PKHD1: variants seen among roughly 807,000 people sequenced by gnomAD.
The protein encoded by PKHD1 is fibrocystin.
In PKHD1, 291 loss-of-function variants were observed where a neutral mutation model predicts 412.0. The observed-to-expected ratio is 0.71, with a 90% confidence interval of 0.64 to 0.78. The LOEUF (loss-of-function observed/expected upper bound fraction) is 0.78, where lower values mean the gene tolerates loss of function less well. PKHD1 is among the 30% of genes least tolerant of loss of function. The pLI, the probability that PKHD1 is intolerant of heterozygous loss-of-function variation, is 0.00. For synonymous variants in PKHD1, 1,777 were observed against 1,821.5 expected, an observed-to-expected ratio of 0.98 and a Z score of 0.62; for missense variants, 4,825 against 4,950.7, an observed-to-expected ratio of 0.97 and a Z score of 0.76.
chr6:52,065,184 G>GAGAGAGAGAGATAGAGAGAGAC (rs1554220741), intron 12 of PKHD1, 134 bp from the exon 13 acceptor site: 1 of 117,488 alleles, frequency 8.5e-6, no homozygotes, highest in Admixed American at 9.0e-5. Flanking sequence ...GAGAGAGAGA[G>GAGAGAGAGAGATAGAGAGAGAC]AGAGAGAGAG....
chr6:51,918,240 G>C (rs1830554), intron 37 of PKHD1, among the ~76,000 whole-genome samples: 57,716 of 151,502 alleles, frequency 0.38, 11,755 homozygotes, highest in East Asian at 0.75. Context: ...GGATACATGC[G>C]CAGAACGTGC....
In PKHD1 at chr6:52,025,148, A is replaced by G; in HGVS notation, c.4662T>C (p.Tyr1554=). ...APGPHYLSVF[Y]TRNGYACSGN... ...CAGAACAAGCATACCCATTTCTTGT[A>G]TAAAAAACTGACAGGTAGTGGGGTC... Residue 1554 remains tyrosine, a synonymous_variant, in exon 32 of 67, where the codon TAT becomes TAC. Transcript: ENST00000371117. 1 of 1,614,202 alleles carries G rather than the reference A, an allele frequency of 6.2e-7. No homozygotes were observed.
intron 35 of PKHD1, among the ~76,000 whole-genome samples, chr6:51,960,527 T>A (rs1050244191): frequency 2.0e-5 from 3 of 152,166 alleles, no homozygotes; most frequent in Admixed American, 1.3e-4. Context: ...TGGTATCATT[T>A]TTCACTGGCT....
At chr6:51,750,614 T>C (rs922820479) in intron 57 of PKHD1, among the ~76,000 whole-genome samples, 1 of 152,116 alleles carries the variant, frequency 6.6e-6, no homozygotes, top group African/African-American at 2.4e-5. Context: ...CCAGAAGCTC[T>C]CAGGATTATT....
At chr6:51,627,180 G>C in intron 65 of PKHD1, 64 bp from the exon 66 acceptor site, 1 of 1,502,276 alleles carries the variant, frequency 6.7e-7, no homozygotes, top group Non-Finnish European at 9.3e-7. Flanking sequence ...TCAGCATTTA[G>C]GTGTTTCCCT....
chr6:52,032,292 G>A (rs2128161421), intron 29 of PKHD1, among the ~76,000 whole-genome samples: 1 of 152,194 alleles, frequency 6.6e-6, no homozygotes, highest in South Asian at 2.1e-4. Context: ...CTGTTATCTG[G>A]CATTCAGTTC....
At chr6:51,798,411 G>C (rs1348995402) in intron 52 of PKHD1, among the ~76,000 whole-genome samples, 4 of 152,020 alleles carry the variant, frequency 2.6e-5, no homozygotes, top group African/African-American at 9.7e-5. Context: ...AAGAAATTAT[G>C]TGTTGGAATG....
intron 52 of PKHD1, among the ~76,000 whole-genome samples, chr6:51,823,152 A>G (rs1766733949): frequency 6.6e-6 from 1 of 152,164 alleles, no homozygotes; most frequent in Non-Finnish European, 1.5e-5. Flanking sequence ...GGTGTTTTAC[A>G]GGAATACCTG....
At chr6:51,856,417 A>T (rs1773322231) in intron 48 of PKHD1, among the ~76,000 whole-genome samples, 1 of 152,116 alleles carries the variant, frequency 6.6e-6, no homozygotes, top group African/African-American at 2.4e-5. Context: ...GCTCACTGCA[A>T]CCTCCACCAC....
intron 35 of PKHD1, among the ~76,000 whole-genome samples, chr6:51,985,155 GA>G (rs561113467): frequency 3.9e-4 from 60 of 152,154 alleles, no homozygotes; most frequent in South Asian, 3.3e-3. Context: ...AAAAAAATTA[GA>G]AAAAAACTAC....
chr6:52,073,555 A>C lies in PKHD1; in HGVS notation c.449-14T>G, dbSNP rs939691118. On this transcript the variant is annotated splice_polypyrimidine_tract_variant and intron_variant, in intron 6 of 66. Coordinates refer to ENST00000371117, the MANE Select transcript of PKHD1 (RefSeq NM_138694.4). ...GTATTAGTTTTCCTGTTTGAAGAAGAATTTTTTTAATTTAATGGACTTAGC... is the reference window on the plus strand; with the variant it reads ...GTATTAGTTTTCCTGTTTGAAGAAGCATTTTTTTAATTTAATGGACTTAGC... 2 of 1,467,150 alleles carry C rather than the reference A, an allele frequency of 1.4e-6. No individual in the cohort carries two copies. The highest frequency in any genetic ancestry group is 1.9e-6 in the Non-Finnish European group (2 of 1,046,352). The allele number at this position is 1,467,150 out of a possible 1,614,324, so 90.9% of individuals were successfully genotyped here.
intron 63 of PKHD1, among the ~76,000 whole-genome samples, chr6:51,643,225 T>C (rs1769606666): frequency 6.6e-6 from 1 of 152,172 alleles, no homozygotes; most frequent in Non-Finnish European, 1.5e-5. Context: ...CAATTCTGAA[T>C]CTTTCATCTT....
Position 51,791,352 on chromosome 6 carries a change from G to A in PKHD1, c.8324C>T (p.Thr2775Ile), listed in dbSNP as rs372896800. The change falls in exon 53 of 67, where the codon ACA becomes ATA. Residue 2775 changes from threonine to isoleucine, a missense_variant. Thr to Ile is a moderately conservative substitution (Grantham distance 89). Transcript: ENST00000371117. Reference protein sequence around the residue: ...ILPNRTVLVDTDLPFFKGLYV... With the variant: ...ILPNRTVLVDIDLPFFKGLYV... Reference sequence around the variant, plus strand: ...CAGCCCTTTGAAGAATGGAAGATCTGTATCCACAAGGACAGTTCTGTCTGT... The same window carrying A: ...CAGCCCTTTGAAGAATGGAAGATCTATATCCACAAGGACAGTTCTGTCTGT... 5.6e-6 allele frequency: 9 copies of A among 1,613,464 alleles called. No individual in the cohort carries two copies. The highest frequency in any genetic ancestry group is 7.6e-6 in the Non-Finnish European group (9 of 1,179,578).
At chr6:51,686,681 G>T (rs1777485654) in intron 60 of PKHD1, among the ~76,000 whole-genome samples, 1 of 152,140 alleles carries the variant, frequency 6.6e-6, no homozygotes, top group South Asian at 2.1e-4. Flanking sequence ...CCCTATGAGA[G>T]CAGGGTTATT....
intron 33 of PKHD1, among the ~76,000 whole-genome samples, chr6:52,020,014 C>T (rs894171359): frequency 1.3e-5 from 2 of 152,020 alleles, no homozygotes; most frequent in Non-Finnish European, 2.9e-5. Flanking sequence ...TAATTAAGAA[C>T]GTTTGAGTTC....
At chr6:51,625,657 G>A (rs987121437) in intron 66 of PKHD1, among the ~76,000 whole-genome samples, 9 of 151,978 alleles carry the variant, frequency 5.9e-5, no homozygotes, top group African/African-American at 2.2e-4. Context: ...AAACAGTTAG[G>A]CACTGTGGAC....
intron 52 of PKHD1, among the ~76,000 whole-genome samples, chr6:51,815,039 G>A (rs1765232561): frequency 6.6e-6 from 1 of 152,160 alleles, no homozygotes; most frequent in African/African-American, 2.4e-5. Flanking sequence ...GGTTCTCAGG[G>A]AACGGCCACC....
chr6:51,633,580 T>C (rs1051996415), intron 64 of PKHD1, among the ~76,000 whole-genome samples: 42 of 152,120 alleles, frequency 2.8e-4, no homozygotes, highest in Admixed American at 2.8e-3. Context: ...ACACAATTGA[T>C]AACCTGTAAC....
At chr6:51,929,053 T>G (rs553605616) in intron 37 of PKHD1, among the ~76,000 whole-genome samples, 3 of 151,658 alleles carry the variant, frequency 2.0e-5, no homozygotes, top group Admixed American at 1.3e-4. Flanking sequence ...AAGGGAGGAG[T>G]CTTGGTCTAG....
Sources: allele counts gnomAD v4.1 joint callset (sites outside exome capture counted in the v4.1 genomes callset), GRCh38; gene constraint gnomAD v4.1.1; transcripts MANE v1.5; gene names NCBI Gene and HGNC (gene_info 2026-07-23, HGNC 2026-07-21).